PROX2: variants seen among roughly 807,000 people sequenced by gnomAD.
The protein encoded by PROX2 is prospero homeobox 2.
In PROX2, 46 loss-of-function variants were observed where a neutral mutation model predicts 48.9. That is an observed-to-expected ratio of 0.94 (90% CI 0.74 to 1.20). PROX2 has a LOEUF of 1.20. Among genes scored for constraint, PROX2 ranks in the 50% most tolerant of loss-of-function variants. The pLI, the probability that PROX2 is intolerant of heterozygous loss-of-function variation, is 0.00. For synonymous variants in PROX2, 260 were observed against 276.6 expected (o/e 0.94, Z 0.60); for missense variants, 663 against 719.4 (o/e 0.92, Z 0.90).
rs1566782541 is a variant in PROX2 at position 74,868,347 on chromosome 14, AT to A, written c.-175+2755del. ...TATATATATATATATATATATATAT[AT>A]ATATATATATATAAACAAAAATGGT... On this transcript the variant is annotated intron_variant, in intron 2 of 5. Coordinates refer to ENST00000556489, the MANE Select transcript of PROX2 (RefSeq NM_001243007.2). Among the ~76,000 whole-genome samples the A allele has an allele frequency of 4.4e-5, 6 of 136,944 alleles. 1 individual carries two copies. Among genetic ancestry groups the A allele is most frequent in the African/African-American group, 8.0e-5 (3 of 37,430 alleles). The allele number at this position is 136,944 out of a possible 152,430, so 89.8% of individuals were successfully genotyped here. A position where few individuals can be genotyped will look rare whatever the true frequency, so the allele number is the denominator to read the frequency against.
At position 74,862,694 on chromosome 14, in the gene PROX2, G is replaced by A. The variant is rs2091805047; in HGVS notation, c.1141C>T (p.Pro381Ser). ...RHPSSEPALR[P>S]WRTTKPQPLV... ...GGTTGCGGCTTAGTAGTTCTCCAAG[G>A]TCGTAGGGCAGGCTCTGAGGAGGGG... Residue 381 changes from proline to serine, a missense_variant, in exon 3 of 6, where the codon CCT becomes TCT. Pro to Ser is a moderately conservative substitution (Grantham distance 74). Transcript: ENST00000556489. The A allele has an allele frequency of 2.5e-6, 4 of 1,614,022 alleles. No homozygotes were observed. Among genetic ancestry groups the A allele is most frequent in the Non-Finnish European group, 2.5e-6 (3 of 1,179,902 alleles).
Position 74,863,642 on chromosome 14 carries a change from T to A in PROX2, c.193A>T (p.Arg65Trp). The A allele has an allele frequency of 6.3e-7, 1 of 1,585,370 alleles. No homozygotes were observed. The highest frequency in any genetic ancestry group is 8.6e-7 in the Non-Finnish European group (1 of 1,166,282). ...WFGDEHIQAK[R>W]ARVETIVRGM... ...CGGACAATGGTCTCCACTCTGGCCC[T>A]CTTTGCCTGGATGTGCTCATCACCA... Residue 65 changes from arginine to tryptophan, a missense_variant, in exon 3 of 6, where the codon AGG (arginine) becomes TGG (tryptophan). Transcript: ENST00000556489.
chr14:74,855,204 G>A lies in PROX2; in HGVS notation c.1707C>T (p.Pro569=), dbSNP rs763664568. 1.9e-6 allele frequency: 3 copies of A among 1,593,654 alleles called. No homozygotes were observed. Among genetic ancestry groups the A allele is most frequent in the Non-Finnish European group, 2.6e-6 (3 of 1,166,984 alleles). Residue 569 remains proline, a synonymous_variant, in exon 6 of 6, where the codon CCC becomes CCT. Coordinates refer to ENST00000556489, the MANE Select transcript of PROX2 (RefSeq NM_001243007.2). ...GRDSDPSWKK[P]IYKIISKLDS... Reference sequence around the variant, plus strand: ...CCAGTTTCGAAATAATTTTATAAATGGGTTTCTTCCAGGAAGGATCTGAGT... The same window carrying A: ...CCAGTTTCGAAATAATTTTATAAATAGGTTTCTTCCAGGAAGGATCTGAGT...
At chr14:74,872,067 A>G (rs1883229364) in intron 1 of PROX2, 1 of 152,200 alleles carries the variant, frequency 6.6e-6, no homozygotes, top group Non-Finnish European at 1.5e-5. Flanking sequence ...CCCTTCTGTG[A>G]TGTGTACACA....
intron 2 of PROX2, among the ~76,000 whole-genome samples, chr14:74,870,147 C>A: frequency 6.6e-6 from 1 of 151,530 alleles, no homozygotes; most frequent in African/African-American, 2.4e-5. Context: ...AAATATGAGG[C>A]CAGGTATGGT....
chr14:74,864,127 G>A, intron 2 of PROX2, 119 bp from the exon 3 acceptor site: 2 of 215,108 alleles, frequency 9.3e-6, no homozygotes, highest in East Asian at 9.8e-5. Flanking sequence ...CAGTAGATGT[G>A]GGGTGGGGCA....
rs557192558 is a variant in PROX2, at chr14:74,865,105, A to G, written c.-174-1097T>C. ...GGTTGCAGTGAGCCGAGATTGTTCC[A>G]TTGCACTCCAGCCTGGGCGACAGAG... On this transcript the variant is annotated intron_variant, in intron 2 of 5. Transcript: ENST00000556489. Among the ~76,000 whole-genome samples the G allele has an allele frequency of 7.4e-5, 11 of 147,858 alleles. 1 individual carries two copies. Among genetic ancestry groups the G allele is most frequent in the Admixed American group, 6.8e-4 (10 of 14,762 alleles).
chr14:74,867,217 C>G (rs1883085889), intron 2 of PROX2, among the ~76,000 whole-genome samples: 1 of 152,200 alleles, frequency 6.6e-6, no homozygotes, highest in South Asian at 2.1e-4. Flanking sequence ...TCAGATGTCT[C>G]AGCTCTTCAC....
chr14:74,859,212 C>T (rs962562902), intron 3 of PROX2: 2 of 152,284 alleles, frequency 1.3e-5, no homozygotes, highest in African/African-American at 2.4e-5. Flanking sequence ...AAGCTCCCAC[C>T]TCTGTTAAAC....
At position 74,863,651 on chromosome 14, in the gene PROX2, G is replaced by T. The variant is rs1441337963; in HGVS notation, c.184C>A (p.Gln62Lys). The change falls in exon 3 of 6, where the codon CAG becomes AAG. Residue 62 changes from glutamine (Q) to lysine (K), a missense_variant. Physicochemically the swap from Gln to Lys is moderately conservative, Grantham distance 53. Transcript: ENST00000556489. ...GTCTCCACTCTGGCCCTCTTTGCCT[G>T]GATGTGCTCATCACCAAACCATTCG... ...DPEWFGDEHIQAKRARVETIV... is the reference protein window; with the variant it reads ...DPEWFGDEHIKAKRARVETIV... 5 of 1,578,450 alleles carry T rather than the reference G, an allele frequency of 3.2e-6. No homozygotes were observed. Among genetic ancestry groups the T allele is most frequent in the African/African-American group, 1.3e-5 (1 of 74,208 alleles).
Position 74,863,029 on chromosome 14 carries a change from C to A in PROX2, c.806G>T (p.Ser269Ile), listed in dbSNP as rs1431158973. 6.2e-7 allele frequency: 1 copy of A among 1,613,830 alleles called. No homozygotes were observed. The highest frequency in any genetic ancestry group is 1.3e-5 in the African/African-American group (1 of 74,924). ...CCCTCCCACAGGAGGTGAGGGCTCG[C>A]TTCTACCCTCTGCCACCTGCCCCTG... ...SFQGQVAEGR[S>I]EPSPPVGGAC... Residue 269 changes from serine to isoleucine, a missense_variant, in exon 3 of 6, where the codon AGC (serine) becomes ATC (isoleucine). Coordinates refer to ENST00000556489, the MANE Select transcript of PROX2 (RefSeq NM_001243007.2).
chr14:74,872,296 G>A (rs534788531), intron 1 of PROX2, among the ~76,000 whole-genome samples: 1 of 152,188 alleles, frequency 6.6e-6, no homozygotes, highest in African/African-American at 2.4e-5. Context: ...GGTTTTTGTT[G>A]GGAAAACATG....
At chr14:74,855,736 C>T (rs958890639) in intron 5 of PROX2, 1 of 153,070 alleles carries the variant, frequency 6.5e-6, no homozygotes, top group Admixed American at 6.5e-5. Flanking sequence ...GAAGAGCTTA[C>T]ACTCCTGCTT....
chr14:74,863,565 C>T lies in PROX2; in HGVS notation c.270G>A (p.Gly90=). 6.2e-7 allele frequency: 1 copy of T among 1,613,236 alleles called. No homozygotes were observed. The highest frequency in any genetic ancestry group is 2.2e-5 in the East Asian group (1 of 44,872). Residue 90 remains glycine (G), a synonymous_variant, in exon 3 of 6, where the codon GGG becomes GGA. Coordinates refer to ENST00000556489, the MANE Select transcript of PROX2 (RefSeq NM_001243007.2). Reference sequence around the variant, plus strand: ...CCTTCTTTGGGCAGCGTGGGCTGACCCCAGCTTGCGCATTGCCTGGCACCA... The same window carrying T: ...CCTTCTTTGGGCAGCGTGGGCTGACTCCAGCTTGCGCATTGCCTGGCACCA... ...NPLVPGNAQA[G]VSPRCPKKAR...
rs772550651 is a variant in PROX2, at chr14:74,855,174, A to G, written c.1737T>C (p.Ser579=). Residue 579 remains serine, a synonymous_variant, in exon 6 of 6, where the codon AGT becomes AGC. Coordinates refer to ENST00000556489, the MANE Select transcript of PROX2 (RefSeq NM_001243007.2). ...AAGATTTGAATATCTCTGGGATGTC[A>G]CTGTCCAGTTTCGAAATAATTTTAT... ...PIYKIISKLD[S]DIPEIFKSSS... is the part of the protein sequence containing the mutation. 1.1e-5 allele frequency: 18 copies of G among 1,592,144 alleles called. No homozygotes were observed. Among genetic ancestry groups the G allele is most frequent in the Non-Finnish European group, 1.5e-5 (17 of 1,165,936 alleles).
intron 3 of PROX2, chr14:74,859,446 G>T (rs1050430491): frequency 1.3e-5 from 2 of 152,192 alleles, no homozygotes; most frequent in Non-Finnish European, 2.9e-5. Flanking sequence ...GTAAGTGAGT[G>T]AACGGTCAAC....
Position 74,863,804 on chromosome 14 carries a change from G to A in PROX2, c.31C>T (p.Gln11Ter). 6.6e-7 allele frequency: 1 copy of A among 1,511,554 alleles called. No individual in the cohort carries two copies. Among genetic ancestry groups the A allele is most frequent in the Non-Finnish European group, 8.8e-7 (1 of 1,134,290 alleles). 93.6% of individuals were successfully genotyped at this position (1,511,554 alleles called of 1,614,324 possible). Reference protein sequence around the residue: MDPNSILLSPQPQICSHLAEA... With the variant: MDPNSILLSP ...GCTAGGTGGGAGCAGATCTGGGGCT[G>A]AGGAGAAAGCAAGATGGAGTTTGGA... Residue 11 changes from glutamine to a stop codon, truncating the protein, a stop_gained, in exon 3 of 6, where the codon CAG (glutamine) becomes TAG (stop). Coordinates refer to ENST00000556489, the MANE Select transcript of PROX2 (RefSeq NM_001243007.2). LOFTEE classifies it high-confidence loss of function.
At chr14:74,861,388 A>C (rs182641124) in intron 3 of PROX2, among the ~76,000 whole-genome samples, 3 of 152,224 alleles carry the variant, frequency 2.0e-5, no homozygotes, top group Non-Finnish European at 4.4e-5. Flanking sequence ...GGCTGTGTAC[A>C]TTCTCCTCTT....
At chr14:74,858,805 T>TGTGTGTG in intron 3 of PROX2, 1 of 293,512 alleles carries the variant, frequency 3.4e-6, no homozygotes, top group Admixed American at 4.7e-5. Context: ...TGTGTGTGTG[T>TGTGTGTG]GTGTGGTGTC....
Sources: allele counts gnomAD v4.1 joint callset (sites outside exome capture counted in the v4.1 genomes callset), GRCh38; gene constraint gnomAD v4.1.1; transcripts MANE v1.5; gene names NCBI Gene and HGNC (gene_info 2026-07-23, HGNC 2026-07-21).